XCR1: variants seen among roughly 807,000 people sequenced by gnomAD.
XCR1 encodes chemokine XC receptor 1.
For synonymous variants in XCR1, 187 were observed against 188.5 expected, an observed-to-expected ratio of 0.99 and a Z score of 0.06; for missense variants, 356 against 424.2, an observed-to-expected ratio of 0.84 and a Z score of 1.41.
At chr3:46,075,308 C>CAAAAAAAAAAAAAAAAAAAAAA (rs56787185) in intron 2 of XCR1, among the ~76,000 whole-genome samples, 11 of 61,656 alleles carry the variant, frequency 1.8e-4, no homozygotes, top group Admixed American at 2.2e-4. Context: ...GCTCATAGAC[C>CAAAAAAAAAAAAAAAAAAAAAA]AAAAAAAAAA....
chr3:46,078,762 G>A (rs760901045), intron 1 of XCR1, among the ~76,000 whole-genome samples: 1 of 152,010 alleles, frequency 6.6e-6, no homozygotes, highest in Non-Finnish European at 1.5e-5. Context: ...TGGAGAAAGG[G>A]CAGTTGCTCA....
At chr3:46,043,291 A>G (rs1160968133) in intron 5 of XCR1, among the ~76,000 whole-genome samples, 1 of 151,884 alleles carries the variant, frequency 6.6e-6, no homozygotes, top group Non-Finnish European at 1.5e-5. Context: ...AAATACAAAA[A>G]TTAGCCAACA....
intron 4 of XCR1, among the ~76,000 whole-genome samples, chr3:46,064,066 T>A (rs756249168): frequency 1.3e-5 from 2 of 152,118 alleles, no homozygotes; most frequent in Non-Finnish European, 2.9e-5. Flanking sequence ...AGAGACAAAG[T>A]CTTGCTGTGT....
chr3:46,073,009 A>T (rs1387956901), intron 3 of XCR1, among the ~76,000 whole-genome samples: 1 of 152,208 alleles, frequency 6.6e-6, no homozygotes, highest in Non-Finnish European at 1.5e-5. Flanking sequence ...TGACAAAAAC[A>T]CACACTGGGG....
intron 1 of XCR1, among the ~76,000 whole-genome samples, chr3:46,080,054 A>G (rs1698330042): frequency 6.7e-6 from 1 of 149,518 alleles, no homozygotes; most frequent in Non-Finnish European, 1.5e-5. Flanking sequence ...TTTGTGCTTA[A>G]TTATTTTGAA....
At chr3:46,057,721 C>T (rs1235656686) in intron 4 of XCR1, among the ~76,000 whole-genome samples, 1 of 152,150 alleles carries the variant, frequency 6.6e-6, no homozygotes, top group Non-Finnish European at 1.5e-5. Context: ...AGAAGAAATT[C>T]TGCCTGTGGA....
At chr3:46,057,933 TACGC>T (rs112023675) in intron 4 of XCR1, among the ~76,000 whole-genome samples, 39,872 of 137,498 alleles carry the variant, frequency 0.29, 6,564 homozygotes, top group African/African-American at 0.52. Context: ...TCTATCTATC[TACGC>T]ATCCATCTAT....
chr3:46,024,709 TGTTA>T (rs1476079971), intron 1 of XCR1, among the ~76,000 whole-genome samples: 3 of 152,182 alleles, frequency 2.0e-5, no homozygotes, highest in Admixed American at 6.5e-5. Flanking sequence ...ACACCTTAAT[TGTTA>T]GTTATGCTTT....
intron 5 of XCR1, among the ~76,000 whole-genome samples, chr3:46,053,311 A>C (rs4396933): frequency 0.79 from 113,949 of 144,610 alleles, 46,090 homozygotes; most frequent in East Asian, 0.99. Context: ...TTGGATCAGG[A>C]CTTACGGAAA....
At position 46,021,202 on chromosome 3, in the gene XCR1, G is replaced by A. The variant is rs181118021; in HGVS notation, c.746C>T (p.Thr249Met). 113 of 1,614,244 alleles carry A rather than the reference G, an allele frequency of 7.0e-5. 1 individual carries two copies. The East Asian group carries it at 1.9e-3, about 27-fold the overall frequency. ...GPYNFTLFLQ[T>M]LFRTQIIRSC... The stretch of plus-strand genomic sequence containing the variant: ...CCGGATGATCTGGGTCCGAAACAGC[G>A]TCTGCAGAAACAGGGTGAAGTTGTA... The change falls in exon 2 of 2, where the codon ACG becomes ATG. Residue 249 changes from threonine to methionine, a missense_variant. Thr to Met is a moderately conservative substitution (Grantham distance 81). Transcript: ENST00000309285. The surrounding 1 kb of genome is among the most constrained non-coding windows in gnomAD (Gnocchi z 4.7).
intron 4 of XCR1, among the ~76,000 whole-genome samples, chr3:46,063,209 G>A (rs1364984302): frequency 2.0e-5 from 3 of 152,090 alleles, no homozygotes; most frequent in Non-Finnish European, 4.4e-5. Flanking sequence ...CATTTACAAA[G>A]GTGTGGCAGG....
intron 1 of XCR1, among the ~76,000 whole-genome samples, chr3:46,083,992 A>T (rs532213583): frequency 2.0e-5 from 3 of 152,194 alleles, no homozygotes; most frequent in Non-Finnish European, 4.4e-5. Flanking sequence ...TATTTCTATT[A>T]TTCCAATTAA....
upstream of XCR1, among the ~76,000 whole-genome samples, chr3:46,030,733 G>T (rs1189487962): frequency 6.6e-6 from 1 of 152,222 alleles, no homozygotes; most frequent in African/African-American, 2.4e-5. Flanking sequence ...AGGAGCAGCA[G>T]TGGGGGTGGT....
intron 1 of XCR1, among the ~76,000 whole-genome samples, chr3:46,025,426 G>T (rs1047568287): frequency 2.0e-5 from 3 of 152,164 alleles, no homozygotes; most frequent in African/African-American, 7.2e-5. Context: ...GAAAGAGAGA[G>T]AGAGAGAGAG....
At chr3:46,078,730 A>G (rs1463667950) in intron 1 of XCR1, among the ~76,000 whole-genome samples, 3 of 152,344 alleles carry the variant, frequency 2.0e-5, no homozygotes, top group Non-Finnish European at 2.9e-5. Flanking sequence ...TGAAAAGTGC[A>G]TGAGAGTGAG....
chr3:46,065,667 C>T (rs1411708830), intron 4 of XCR1, among the ~76,000 whole-genome samples: 1 of 152,170 alleles, frequency 6.6e-6, no homozygotes, highest in East Asian at 1.9e-4. Context: ...CGGGCTACAC[C>T]AAGCTCCACT....
At chr3:46,029,294 C>A, upstream of XCR1, among the ~76,000 whole-genome samples, 1 of 152,150 alleles carries the variant, frequency 6.6e-6, no homozygotes, top group East Asian at 1.9e-4. Flanking sequence ...GCTTCAATCT[C>A]CCAGGCCTAA....
chr3:46,084,541 A>G (rs1698436801), intron 1 of XCR1, among the ~76,000 whole-genome samples: 1 of 152,208 alleles, frequency 6.6e-6, no homozygotes, highest in Admixed American at 6.5e-5. Context: ...TCAACAATGT[A>G]AAGCCAATCC....
chr3:46,037,720 G>T (rs1443798568), intron 5 of XCR1, among the ~76,000 whole-genome samples: 2 of 152,056 alleles, frequency 1.3e-5, no homozygotes, highest in African/African-American at 4.8e-5. Flanking sequence ...CATAGTTAAA[G>T]CTCTTAGTTT....
Sources: gnomAD v4.1 joint callset for allele counts (sites outside exome capture counted in the v4.1 genomes callset) on GRCh38, gnomAD v4.1.1 for gene constraint, Gnocchi (gnomAD v3.1) non-coding constraint, MANE v1.5 for transcripts, NCBI Gene and HGNC (gene_info 2026-07-23, HGNC 2026-07-21) for gene names.